Variants in DDX50 observed in about 807,000 individuals in gnomAD.
DDX50 encodes the protein ATP-dependent RNA helicase DDX50.
In DDX50, 56 loss-of-function variants were observed where a neutral mutation model predicts 94.8. The ratio of observed to expected loss-of-function variants is 0.59; its 90% CI spans 0.48 to 0.74. DDX50 has a LOEUF of 0.74. Among genes scored for constraint, DDX50 ranks in the 30% least tolerant of loss-of-function variants. The probability of loss-of-function intolerance (pLI) is 0.00; values close to 1 mark genes in which losing one functional copy is unlikely to be tolerated. For synonymous variants in DDX50, 264 were observed against 295.4 expected (o/e 0.89, Z 1.09); for missense variants, 713 against 881.2 (o/e 0.81, Z 2.42).
intron 14 of DDX50, among the ~76,000 whole-genome samples, chr10:68,945,074 A>G (rs900731930): frequency 1.1e-4 from 17 of 152,174 alleles, no homozygotes; most frequent in African/African-American, 4.1e-4. Flanking sequence ...CTAATAATTT[A>G]CTATTATTAG....
chr10:68,913,060 T>G, intron 4 of DDX50, 102 bp from the exon 5 acceptor site: 3 of 857,556 alleles, frequency 3.5e-6, no homozygotes, highest in South Asian at 1.7e-5. Flanking sequence ...ACATTAATGT[T>G]GAGATTCCTG....
At chr10:68,908,451 C>CAAAAAAAA (rs71223162) in intron 2 of DDX50, among the ~76,000 whole-genome samples, 2 of 43,696 alleles carry the variant, frequency 4.6e-5, no homozygotes, top group African/African-American at 8.9e-5. Flanking sequence ...AACTCCATCT[C>CAAAAAAAA]AAAAAAAAAA....
At position 68,901,323 on chromosome 10, in the gene DDX50, G is replaced by T. The variant is rs944261402; in HGVS notation, c.-62G>T. 4.9e-5 allele frequency: 71 copies of T among 1,441,524 alleles called. No homozygotes were observed. The highest frequency in any genetic ancestry group is 6.2e-5 in the Non-Finnish European group (67 of 1,081,174). The allele number at this position is 1,441,524 out of a possible 1,614,324, so 89.3% of individuals were successfully genotyped here. Reference sequence around the variant, plus strand: ...CCGCCTTGCCCCCGCTTCCTTTCACGCTGTCGCTGCCCGTAGGTGGTTGTG... The same window carrying T: ...CCGCCTTGCCCCCGCTTCCTTTCACTCTGTCGCTGCCCGTAGGTGGTTGTG... On this transcript the variant is annotated 5_prime_UTR_variant, in exon 1 of 15. Transcript: ENST00000373585.
chr10:68,937,299 TGA>T (rs1300584686), intron 12 of DDX50, among the ~76,000 whole-genome samples: 1 of 152,140 alleles, frequency 6.6e-6, no homozygotes, highest in Non-Finnish European at 1.5e-5. Context: ...ACAGAAAAAC[TGA>T]AAGAATAATG....
At position 68,946,472 on chromosome 10, in the gene DDX50, C is replaced by T. The variant is rs1842674148; in HGVS notation, c.2056C>T (p.Arg686Ter). The T allele has an allele frequency of 1.2e-6, 2 of 1,613,988 alleles. No individual in the cohort carries two copies. Among genetic ancestry groups the T allele is most frequent in the East Asian group, 2.2e-5 (1 of 44,888 alleles). The change falls in exon 15 of 15, where the codon CGA becomes TGA. Residue 686 changes from arginine (R) to a stop codon, truncating the protein, a stop_gained. Transcript: ENST00000373585. LOFTEE classifies it high-confidence loss of function. ...SRQRSGWSSG[R>*]SGRSGRSGGR... is the part of the protein sequence containing the mutation. ...ACAGAGGAGTGGCTGGTCAAGTGGT[C>T]GATCAGGCCGGTCAGGCCGGTCAGG...
In DDX50 at chr10:68,943,136, C is replaced by A; in HGVS notation, c.1891-77C>A. The A allele has an allele frequency of 3.1e-6, 4 of 1,275,540 alleles. No homozygotes were observed. In the South Asian group the frequency reaches 3.9e-5, roughly 12 times the overall value. 79.0% of individuals were successfully genotyped at this position (1,275,540 alleles called of 1,614,324 possible). A position where few individuals can be genotyped will look rare whatever the true frequency, so the allele number is the denominator to read the frequency against. Reference sequence around the variant, plus strand: ...AAAATACATTAAGCAGCCACTGAGTCATGCATTATTAGTAAAACAAAAAAA... The same window carrying A: ...AAAATACATTAAGCAGCCACTGAGTAATGCATTATTAGTAAAACAAAAAAA... On this transcript the variant is annotated intron_variant, in intron 13 of 14. Coordinates refer to ENST00000373585, the MANE Select transcript of DDX50 (RefSeq NM_024045.2).
At chr10:68,902,561 A>G (rs1841323660) in intron 1 of DDX50, among the ~76,000 whole-genome samples, 1 of 152,144 alleles carries the variant, frequency 6.6e-6, no homozygotes, top group Non-Finnish European at 1.5e-5. Context: ...ACCATCATCC[A>G]TCTCCAGAAC....
intron 8 of DDX50, among the ~76,000 whole-genome samples, chr10:68,932,756 T>C (rs868645977): frequency 9.2e-5 from 14 of 152,160 alleles, no homozygotes; most frequent in African/African-American, 3.4e-4. Context: ...GACATGTAAA[T>C]TAAAACAACA....
intron 8 of DDX50, among the ~76,000 whole-genome samples, chr10:68,931,954 C>T (rs1274018281): frequency 1.3e-5 from 2 of 152,124 alleles, no homozygotes; most frequent in Non-Finnish European, 2.9e-5. Context: ...CCTTCTGCTC[C>T]TTCTTTTACC....
At chr10:68,932,654 A>T (rs1842302437) in intron 8 of DDX50, among the ~76,000 whole-genome samples, 2 of 152,206 alleles carry the variant, frequency 1.3e-5, no homozygotes, top group African/African-American at 4.8e-5. Context: ...AGAGATGAAG[A>T]TCTACCTAAT....
intron 12 of DDX50, among the ~76,000 whole-genome samples, chr10:68,938,526 G>A (rs1842478371): frequency 1.3e-5 from 2 of 152,186 alleles, no homozygotes; most frequent in Admixed American, 1.3e-4. Context: ...GAGCCTGCTG[G>A]TGGGATTTTC....
chr10:68,913,482 A>G lies in DDX50; in HGVS notation c.849A>G (p.Lys283=), dbSNP rs1439311874. ...HLQSGRLDLS[K]LRHVVLDEVD... Reference sequence around the variant, plus strand: ...AGAGTGGCCGATTGGATCTTTCTAAACTGCGACATGTTGTGCTTGATGAAG... The same window carrying G: ...AGAGTGGCCGATTGGATCTTTCTAAGCTGCGACATGTTGTGCTTGATGAAG... The change falls in exon 6 of 15, where the codon AAA becomes AAG. Residue 283 remains lysine, a synonymous_variant. Coordinates refer to ENST00000373585, the MANE Select transcript of DDX50 (RefSeq NM_024045.2). 6.2e-7 allele frequency: 1 copy of G among 1,614,030 alleles called. No individual in the cohort carries two copies. Among genetic ancestry groups the G allele is most frequent in the African/African-American group, 1.3e-5 (1 of 74,916 alleles).
chr10:68,925,095 G>GTTTTTTTTTTT (rs1239190321), intron 8 of DDX50, among the ~76,000 whole-genome samples: 51 of 28,566 alleles, frequency 1.8e-3, no homozygotes, highest in African/African-American at 5.3e-3. Flanking sequence ...CCTGCTCATG[G>GTTTTTTTTTTT]TTTTTTTTTT....
At chr10:68,928,696 C>A (rs1842154158) in intron 8 of DDX50, among the ~76,000 whole-genome samples, 1 of 152,108 alleles carries the variant, frequency 6.6e-6, no homozygotes, top group Non-Finnish European at 1.5e-5. Flanking sequence ...GGATCTGCCT[C>A]AAGAATACTA....
chr10:68,938,333 C>G (rs555012590), intron 12 of DDX50, among the ~76,000 whole-genome samples: 4 of 152,166 alleles, frequency 2.6e-5, no homozygotes, highest in Non-Finnish European at 1.5e-5. Context: ...CTGCCAGATT[C>G]GTATCACATG....
intron 8 of DDX50, among the ~76,000 whole-genome samples, chr10:68,928,546 G>A (rs571971428): frequency 2.2e-4 from 34 of 152,204 alleles, no homozygotes; most frequent in Admixed American, 5.9e-4. Context: ...AGCATTTTGC[G>A]TAGTGCATTT....
chr10:68,943,355 C>G (rs1336686952), intron 14 of DDX50, 98 bp downstream of exon 14: 1 of 952,892 alleles, frequency 1.0e-6, no homozygotes. Flanking sequence ...ATTATCATGC[C>G]TAAATCAATG....
rs1217733113 is a variant in DDX50, at chr10:68,930,398, G to A, written c.1240-3801G>A. On this transcript the variant is annotated intron_variant, in intron 8 of 14. Transcript: ENST00000373585. ...CTTCCAAAGTGCTGGGATTATAGGC[G>A]TGAGCCACCGTGCTCAGCCTTCATT... Among the ~76,000 whole-genome samples the A allele has an allele frequency of 2.6e-5, 4 of 152,050 alleles. 1 individual carries two copies. The highest frequency in any genetic ancestry group is 4.8e-5 in the African/African-American group (2 of 41,406).
At chr10:68,938,969 A>G (rs987882049) in intron 12 of DDX50, among the ~76,000 whole-genome samples, 6 of 152,164 alleles carry the variant, frequency 3.9e-5, no homozygotes, top group Non-Finnish European at 7.3e-5. Context: ...AATCTCTTCA[A>G]GCATCATTTA....
Sources: allele counts gnomAD v4.1 joint callset (sites outside exome capture counted in the v4.1 genomes callset), GRCh38; gene constraint gnomAD v4.1.1; transcripts MANE v1.5; gene names NCBI Gene and HGNC (gene_info 2026-07-23, HGNC 2026-07-21).